Variants in SLC22A3 observed in about 807,000 individuals in gnomAD.
The protein encoded by SLC22A3 is solute carrier family 22 member 3, also known as EMT organic cation transporter 3.
SLC22A3 carries 51 observed loss-of-function variants against 59.1 expected under a neutral mutation model. The observed-to-expected ratio is 0.86, with a 90% CI of 0.69 to 1.09. The LOEUF (loss-of-function observed/expected upper bound fraction) is 1.09. SLC22A3 is among the 50% of genes least tolerant of loss of function. The pLI, the probability that SLC22A3 is intolerant of heterozygous loss-of-function variation, is 0.00. For synonymous variants in SLC22A3, 325 were observed against 292.0 expected (o/e 1.11, Z -1.15); for missense variants, 711 against 726.3 (o/e 0.98, Z 0.24).
intron 3 of SLC22A3, among the ~76,000 whole-genome samples, chr6:160,407,875 A>C (rs1177316594): frequency 2.6e-5 from 4 of 152,188 alleles, no homozygotes; most frequent in Non-Finnish European, 5.9e-5. Context: ...GTGAATTCTC[A>C]TCTTAGATTA....
intron 5 of SLC22A3, among the ~76,000 whole-genome samples, chr6:160,428,688 A>G (rs909764697): frequency 6.6e-6 from 1 of 152,232 alleles, no homozygotes; most frequent in East Asian, 1.9e-4. Flanking sequence ...TGTGGCTCAC[A>G]TTATATTCTT....
intron 1 of SLC22A3, among the ~76,000 whole-genome samples, chr6:160,397,186 T>A (rs1786507066): frequency 6.6e-6 from 1 of 152,168 alleles, no homozygotes; most frequent in Admixed American, 6.5e-5. Context: ...CTATTCTACC[T>A]GAGATCATCA....
chr6:160,368,133 C>G (rs1483520467), intron 1 of SLC22A3, among the ~76,000 whole-genome samples: 1 of 152,134 alleles, frequency 6.6e-6, no homozygotes, highest in Non-Finnish European at 1.5e-5. Flanking sequence ...CAACTTCCAA[C>G]CTGCCCCTCC....
In SLC22A3 at chr6:160,451,641, A is replaced by G. The variant is rs1053846039; in HGVS notation, c.*585A>G. 1 of 154,840 alleles carries G rather than the reference A, an allele frequency of 6.5e-6. No individual in the cohort carries two copies. Among genetic ancestry groups the G allele is most frequent in the African/African-American group, 2.4e-5 (1 of 41,484 alleles). The allele number at this position is 154,840 out of a possible 1,614,324, so 9.6% of individuals were successfully genotyped here. On this transcript the variant is annotated 3_prime_UTR_variant, in exon 11 of 11. Coordinates refer to ENST00000275300, the MANE Select transcript of SLC22A3 (RefSeq NM_021977.4). ...TTCCGCACACCTTCGCAATGTGAAC[A>G]GGTCAGGAGTCCCTCCCGTCCACCT...
intron 5 of SLC22A3, among the ~76,000 whole-genome samples, chr6:160,430,081 G>GTA (rs1477234149): frequency 5.9e-5 from 9 of 151,772 alleles, no homozygotes; most frequent in East Asian, 1.9e-4. Context: ...GTGCATATAT[G>GTA]TATATATATA....
At chr6:160,401,090 G>A (rs1786764052) in intron 2 of SLC22A3, among the ~76,000 whole-genome samples, 1 of 150,720 alleles carries the variant, frequency 6.6e-6, no homozygotes, top group Non-Finnish European at 1.5e-5. Flanking sequence ...TATAATATAT[G>A]TGTAATAGGA....
At chr6:160,403,146 G>GA (rs1256189006) in intron 2 of SLC22A3, among the ~76,000 whole-genome samples, 3 of 151,210 alleles carry the variant, frequency 2.0e-5, no homozygotes, top group African/African-American at 4.8e-5. Context: ...GTCAGACTAA[G>GA]AAAAAAGAAA....
At chr6:160,352,451 G>C (rs1177488937) in intron 1 of SLC22A3, among the ~76,000 whole-genome samples, 2 of 152,098 alleles carry the variant, frequency 1.3e-5, no homozygotes, top group African/African-American at 4.8e-5. Context: ...TCAATTCACT[G>C]CCCAGGGAGT....
rs1787442096 is a variant in SLC22A3 at position 160,415,348 on chromosome 6, C to T, written c.975+4502C>T. On this transcript the variant is annotated intron_variant, in intron 5 of 10. Transcript: ENST00000275300. The surrounding 1 kb of genome is among the most constrained non-coding windows in gnomAD (Gnocchi z 4.1). ...TAGGCACTGTACTTGAACTCCAACC[C>T]CAAAAATCACAGCAGGATTCCATTA... Among the ~76,000 whole-genome samples, 1 of 152,130 alleles carries T rather than the reference C, an allele frequency of 6.6e-6. No individual in the cohort carries two copies. The highest frequency in any genetic ancestry group is 6.5e-5 in the Admixed American group (1 of 15,276).
chr6:160,403,152 A>G (rs1786860098), intron 2 of SLC22A3, among the ~76,000 whole-genome samples: 1 of 151,676 alleles, frequency 6.6e-6, no homozygotes, highest in Admixed American at 6.6e-5. Context: ...CTAAGAAAAA[A>G]GAAAGAGGAG....
At chr6:160,435,378 T>C (rs1382871236) in intron 5 of SLC22A3, among the ~76,000 whole-genome samples, 2 of 152,220 alleles carry the variant, frequency 1.3e-5, no homozygotes, top group African/African-American at 4.8e-5. Flanking sequence ...AGCTCAGTTG[T>C]AGGACACCTT....
At chr6:160,353,192 G>A (rs1784718976) in intron 1 of SLC22A3, among the ~76,000 whole-genome samples, 1 of 152,222 alleles carries the variant, frequency 6.6e-6, no homozygotes, top group South Asian at 2.1e-4. Flanking sequence ...GGTCTAGGCA[G>A]CAGAATGGCC....
intron 7 of SLC22A3, 118 bp downstream of exon 7, chr6:160,437,329 G>T (rs1204423154): frequency 2.9e-6 from 3 of 1,022,884 alleles, no homozygotes; most frequent in Non-Finnish European, 4.5e-6. Flanking sequence ...AGTCTTTCGT[G>T]ATGTCACTCC....
rs1787441324 is a variant in SLC22A3, at chr6:160,415,318, C to G, written c.975+4472C>G. Among the ~76,000 whole-genome samples, 1 of 152,172 alleles carries G rather than the reference C, an allele frequency of 6.6e-6. No individual in the cohort carries two copies. Among genetic ancestry groups the G allele is most frequent in the African/African-American group, 2.4e-5 (1 of 41,444 alleles). The stretch of plus-strand genomic sequence containing the variant: ...GTGATGACGCAGAAGGACTGGCCAG[C>G]AGGGTAGGCACTGTACTTGAACTCC... On this transcript the variant is annotated intron_variant, in intron 5 of 10. Transcript: ENST00000275300. This position sits in a 1 kb window ranked among gnomAD's most constrained non-coding sequence, Gnocchi z 4.1.
chr6:160,380,213 A>G (rs963426052), intron 1 of SLC22A3, among the ~76,000 whole-genome samples: 2 of 152,186 alleles, frequency 1.3e-5, no homozygotes, highest in Non-Finnish European at 2.9e-5. Flanking sequence ...TGTGAGGTTT[A>G]TAAAACAACT....
intron 9 of SLC22A3, among the ~76,000 whole-genome samples, chr6:160,444,825 T>C (rs1032430360): frequency 1.3e-5 from 2 of 152,246 alleles, no homozygotes; most frequent in African/African-American, 4.8e-5. Flanking sequence ...AGGACAGACC[T>C]TCTGCTTCAT....
intron 1 of SLC22A3, among the ~76,000 whole-genome samples, chr6:160,382,145 G>A (rs138799654): frequency 0.013 from 2,049 of 152,242 alleles, 22 homozygotes; most frequent in Non-Finnish European, 0.019. Context: ...AAATAAAAAT[G>A]CAGATCCATT....
chr6:160,412,977 T>C (rs947474448), intron 5 of SLC22A3, among the ~76,000 whole-genome samples: 3 of 150,870 alleles, frequency 2.0e-5, no homozygotes, highest in African/African-American at 7.3e-5. Flanking sequence ...ATATATAAAG[T>C]GTTCTAGAAA....
chr6:160,404,072 C>T (rs968388302), intron 2 of SLC22A3, among the ~76,000 whole-genome samples: 2 of 151,514 alleles, frequency 1.3e-5, no homozygotes, highest in African/African-American at 2.4e-5. Context: ...CTCGCTAATA[C>T]AATAAATAAG....
Sources: allele counts gnomAD v4.1 joint callset (sites outside exome capture counted in the v4.1 genomes callset), GRCh38; gene constraint gnomAD v4.1.1; non-coding constraint Gnocchi (gnomAD v3.1); transcripts MANE v1.5; gene names NCBI Gene and HGNC (gene_info 2026-07-23, HGNC 2026-07-21).